FTCDNL1: variants seen among roughly 807,000 people sequenced by gnomAD.
FTCDNL1 encodes formiminotransferase N-terminal subdomain-containing protein.
Under a neutral mutation model 5.9 loss-of-function variants are expected in FTCDNL1, and 11 were observed. That is an observed-to-expected ratio of 1.87 (90% CI 1.18 to 3.10). The LOEUF is 3.10. Among genes scored for constraint, FTCDNL1 ranks in the 30% most tolerant of loss-of-function variants. FTCDNL1 has a pLI of 0.00. For missense variants in FTCDNL1, 115 were observed against 65.5 expected, an observed-to-expected ratio of 1.76 and a Z score of -2.61; for synonymous variants, 58 against 24.8, an observed-to-expected ratio of 2.34 and a Z score of -3.99.
At chr2:199,702,877 T>G in the FTCDNL1 span, among the ~76,000 whole-genome samples, 1 of 151,850 alleles carries the variant, frequency 6.6e-6, no homozygotes, top group Non-Finnish European at 1.5e-5. Context: ...ATCGAAGAAA[T>G]AGCAGATGGA....
At chr2:199,752,618 A>G in the FTCDNL1 span, among the ~76,000 whole-genome samples, 3 of 152,086 alleles carry the variant, frequency 2.0e-5, no homozygotes, top group African/African-American at 7.2e-5. Context: ...CTCTCCCTCA[A>G]CCTGCAGAAT....
the FTCDNL1 span, among the ~76,000 whole-genome samples, chr2:199,713,210 C>T: frequency 6.6e-6 from 1 of 152,092 alleles, no homozygotes; most frequent in South Asian, 2.1e-4. Context: ...TTCATATAAA[C>T]ATTTAAATTT....
intron 3 of FTCDNL1, among the ~76,000 whole-genome samples, chr2:199,786,992 G>A (rs969363065): frequency 3.9e-5 from 6 of 152,086 alleles, no homozygotes; most frequent in African/African-American, 9.7e-5. Flanking sequence ...CTCTTTCCCT[G>A]GCTTTTGGCC....
At chr2:199,746,644 T>C in the FTCDNL1 span, among the ~76,000 whole-genome samples, 1 of 151,842 alleles carries the variant, frequency 6.6e-6, no homozygotes, top group Admixed American at 6.6e-5. Context: ...GATGATAATC[T>C]TTCTGCTCAG....
chr2:199,793,793 T>G (rs368397526), intron 3 of FTCDNL1, among the ~76,000 whole-genome samples: 1 of 152,292 alleles, frequency 6.6e-6, no homozygotes, highest in East Asian at 1.9e-4. Context: ...GTGAATCCAC[T>G]AAAAAGTAGG....
chr2:199,775,291 G>A (rs1364240191), intron 3 of FTCDNL1, among the ~76,000 whole-genome samples: 3 of 152,180 alleles, frequency 2.0e-5, no homozygotes, highest in Non-Finnish European at 4.4e-5. Context: ...TAAGCAGAAG[G>A]AAAAGTTGAA....
chr2:199,761,314 T>C (rs1698259513), intron 3 of FTCDNL1, among the ~76,000 whole-genome samples: 1 of 152,228 alleles, frequency 6.6e-6, no homozygotes, highest in African/African-American at 2.4e-5. Context: ...CGATCTGCCA[T>C]GGACCTGAGC....
At chr2:199,670,762 A>G in the FTCDNL1 span, among the ~76,000 whole-genome samples, 2 of 152,108 alleles carry the variant, frequency 1.3e-5, no homozygotes, top group Non-Finnish European at 2.9e-5. Flanking sequence ...GGCACAAGAG[A>G]CACTAGAGCA....
chr2:199,799,263 C>T (rs1205010247), intron 3 of FTCDNL1, among the ~76,000 whole-genome samples: 2 of 151,936 alleles, frequency 1.3e-5, no homozygotes, highest in Non-Finnish European at 2.9e-5. Flanking sequence ...TTTTCTTCTT[C>T]GTGTCAAAAT....
the FTCDNL1 span, among the ~76,000 whole-genome samples, chr2:199,751,056 A>G: frequency 6.6e-6 from 1 of 152,180 alleles, no homozygotes; most frequent in Non-Finnish European, 1.5e-5. Context: ...GAGACCCTAT[A>G]ACCTTGCGGA....
the FTCDNL1 span, among the ~76,000 whole-genome samples, chr2:199,728,066 G>T: frequency 1.3e-5 from 2 of 152,188 alleles, no homozygotes; most frequent in East Asian, 3.9e-4. Context: ...CTTATTAACC[G>T]ATTTAAACTG....
At chr2:199,722,501 T>C in the FTCDNL1 span, among the ~76,000 whole-genome samples, 3 of 152,192 alleles carry the variant, frequency 2.0e-5, no homozygotes, top group African/African-American at 7.2e-5. Flanking sequence ...TTTGTACCAG[T>C]ACCATGCTGT....
chr2:199,825,585 T>A (rs2106545220), intron 3 of FTCDNL1, among the ~76,000 whole-genome samples: 1 of 152,186 alleles, frequency 6.6e-6, no homozygotes, highest in Admixed American at 6.5e-5. Context: ...TGGTAATGAG[T>A]GAGTTCTTAC....
intron 3 of FTCDNL1, among the ~76,000 whole-genome samples, chr2:199,845,114 C>T (rs1273090967): frequency 6.6e-6 from 1 of 151,996 alleles, no homozygotes; most frequent in Non-Finnish European, 1.5e-5. Context: ...CTCTTATCCA[C>T]TAATTATATT....
chr2:199,688,822 A>G, the FTCDNL1 span, among the ~76,000 whole-genome samples: 1 of 152,226 alleles, frequency 6.6e-6, no homozygotes, highest in Non-Finnish European at 1.5e-5. Context: ...TCGGGTTGAT[A>G]GTGAATTCCT....
the FTCDNL1 span, among the ~76,000 whole-genome samples, chr2:199,700,253 A>G: frequency 6.6e-6 from 1 of 152,202 alleles, no homozygotes; most frequent in Admixed American, 6.5e-5. Context: ...CTATATACCA[A>G]TAATGTCCAA....
chr2:199,755,917 T>C (rs937189848), downstream of FTCDNL1, among the ~76,000 whole-genome samples: 1 of 152,218 alleles, frequency 6.6e-6, no homozygotes, highest in African/African-American at 2.4e-5. Flanking sequence ...GCAGTAATAA[T>C]ATACAGAATA....
chr2:199,846,195 G>C, intron 2 of FTCDNL1, 25 bp from the exon 3 acceptor site: 1 of 664,794 alleles, frequency 1.5e-6, no homozygotes, highest in African/African-American at 1.8e-5. Flanking sequence ...AGACAGAAGT[G>C]CAAGAATTTT....
chr2:199,786,364 G>C (rs1699651029), intron 3 of FTCDNL1, among the ~76,000 whole-genome samples: 1 of 151,900 alleles, frequency 6.6e-6, no homozygotes. Flanking sequence ...CCTTAAAAGG[G>C]GGTGTCACTT....
Sources: gnomAD v4.1 joint callset for allele counts (sites outside exome capture counted in the v4.1 genomes callset) on GRCh38, gnomAD v4.1.1 for gene constraint, MANE v1.5 for transcripts, NCBI Gene and HGNC (gene_info 2026-07-23, HGNC 2026-07-21) for gene names.